The following SMARCA4 variants were observed in gnomAD, a reference collection of about 807,000 sequenced individuals.
SMARCA4 encodes SWI/SNF related BAF chromatin remodeling complex subunit ATPase 4, also known as SWI/SNF-related matrix-associated actin-dependent regulator of chromatin subfamily A member 4.
Under a neutral mutation model 193.9 loss-of-function variants are expected in SMARCA4, and 31 were observed. The ratio of observed to expected loss-of-function variants is 0.16; its 90% CI spans 0.12 to 0.22. The LOEUF (loss-of-function observed/expected upper bound fraction) is 0.22, where lower values mean the gene tolerates loss of function less well. SMARCA4 is among the 10% of genes least tolerant of loss of function. The pLI, the probability that SMARCA4 is intolerant of heterozygous loss-of-function variation, is 1.00. For synonymous variants in SMARCA4, 942 were observed against 933.1 expected, an observed-to-expected ratio of 1.01 and a Z score of -0.17; for missense variants, 1,148 against 2,296.0, an observed-to-expected ratio of 0.50 and a Z score of 10.22.
chr19:10,986,027 G>A lies in SMARCA4; in HGVS notation c.356-162G>A, dbSNP rs1022055972. 6.6e-6 allele frequency among the ~76,000 whole-genome samples: 1 copy of A among 152,232 alleles called. No individual in the cohort carries two copies. The highest frequency in any genetic ancestry group is 1.5e-5 in the Non-Finnish European group (1 of 68,028). Reference sequence around the variant, plus strand: ...CCACCAGGTCGGCTGCTGGGCTGAGGTGCCTTCAGCATGTGCCCTCCAGGT... The same window carrying A: ...CCACCAGGTCGGCTGCTGGGCTGAGATGCCTTCAGCATGTGCCCTCCAGGT... On this transcript the variant is annotated intron_variant, in intron 3 of 34. Transcript: ENST00000344626. This position sits in a 1 kb window ranked among gnomAD's most constrained non-coding sequence, Gnocchi z 6.7.
chr19:10,982,982 C>A (rs2085686037), intron 1 of SMARCA4, among the ~76,000 whole-genome samples: 1 of 152,108 alleles, frequency 6.6e-6, no homozygotes, highest in South Asian at 2.1e-4. Flanking sequence ...TCAAAAAACC[C>A]AGGGTGTCAG....
chr19:10,964,571 G>A (rs953615467), intron 1 of SMARCA4, among the ~76,000 whole-genome samples: 2 of 151,388 alleles, frequency 1.3e-5, no homozygotes, highest in African/African-American at 4.9e-5. Context: ...TTGGCCCTTG[G>A]CCTCCCAAAG....
chr19:11,046,719 T>C (rs2075943925), intron 30 of SMARCA4, among the ~76,000 whole-genome samples: 1 of 152,100 alleles, frequency 6.6e-6, no homozygotes. Flanking sequence ...TTTGTAAGGC[T>C]GTGAGGCTTG....
At chr19:11,001,428 C>T (rs2087622871) in intron 11 of SMARCA4, among the ~76,000 whole-genome samples, 1 of 152,128 alleles carries the variant, frequency 6.6e-6, no homozygotes, top group African/African-American at 2.4e-5. Flanking sequence ...CTGTGAATAA[C>T]CATGGTACTG....
At chr19:11,046,969 CAAAAG>C (rs2075967421) in intron 30 of SMARCA4, among the ~76,000 whole-genome samples, 1 of 125,564 alleles carries the variant, frequency 8.0e-6, no homozygotes, top group Non-Finnish European at 1.7e-5. Flanking sequence ...AAAAAAAAAG[CAAAAG>C]AAAAGCTGCC....
chr19:11,016,246 CAGGCCGTTCACGAGGGTTCACG>C (rs981963504), intron 16 of SMARCA4, among the ~76,000 whole-genome samples: 21 of 152,218 alleles, frequency 1.4e-4, no homozygotes, highest in Middle Eastern at 3.4e-3. Flanking sequence ...CAGTACAGTA[CAGGCCGTTCACGAGGGTTCACG>C]AGGCCGTTCA....
At chr19:11,009,745 G>A (rs549786195) in intron 14 of SMARCA4, among the ~76,000 whole-genome samples, 67 of 147,794 alleles carry the variant, frequency 4.5e-4, no homozygotes, top group Middle Eastern at 6.9e-3. Flanking sequence ...CTAGAGTGCA[G>A]TGGCACGATC....
At chr19:10,994,258 G>T (rs1268588590) in intron 8 of SMARCA4, among the ~76,000 whole-genome samples, 1 of 150,126 alleles carries the variant, frequency 6.7e-6, no homozygotes, top group Non-Finnish European at 1.5e-5. Flanking sequence ...GGCTGGGCTG[G>T]TCTCGAACTC....
In SMARCA4 at chr19:11,034,303, A is replaced by G. The variant is rs1183560520; in HGVS notation, c.3951+103A>G. 4 of 898,728 alleles carry G rather than the reference A, an allele frequency of 4.5e-6. No individual in the cohort carries two copies. The highest frequency in any genetic ancestry group is 1.6e-5 in the African/African-American group (1 of 60,896). The allele number at this position is 898,728 out of a possible 1,614,324, so 55.7% of individuals were successfully genotyped here. A position where few individuals can be genotyped will look rare whatever the true frequency, so the allele number is the denominator to read the frequency against. ...CCCATGGTGGTATCCCTAGCAGGTCAGGGAGCCAGGGACAGCTCACAGTGC... is the reference window on the plus strand; with the variant it reads ...CCCATGGTGGTATCCCTAGCAGGTCGGGGAGCCAGGGACAGCTCACAGTGC... On this transcript the variant is annotated intron_variant, in intron 28 of 34. Coordinates refer to ENST00000344626, the MANE Select transcript of SMARCA4 (RefSeq NM_003072.5). The surrounding 1 kb of genome is among the most constrained non-coding windows in gnomAD (Gnocchi z 7.0).
At chr19:10,998,345 G>A (rs191264038) in intron 11 of SMARCA4, among the ~76,000 whole-genome samples, 92 of 152,222 alleles carry the variant, frequency 6.0e-4, no homozygotes, top group African/African-American at 2.1e-3. Flanking sequence ...TAGCAAATAA[G>A]GTCACTGGTG....
At chr19:10,991,417 A>G in intron 8 of SMARCA4, 94 bp downstream of exon 8, 2 of 1,533,644 alleles carry the variant, frequency 1.3e-6, no homozygotes, top group South Asian at 1.2e-5. Context: ...CTTTGTTCCT[A>G]AACATGCTGC....
intron 30 of SMARCA4, among the ~76,000 whole-genome samples, chr19:11,044,861 T>C (rs1444780304): frequency 6.6e-6 from 1 of 152,224 alleles, no homozygotes; most frequent in African/African-American, 2.4e-5. Flanking sequence ...CCATAGCCAC[T>C]TTGGTCATAA....
chr19:10,997,110 C>T (rs556604650), intron 11 of SMARCA4, among the ~76,000 whole-genome samples: 3 of 152,200 alleles, frequency 2.0e-5, no homozygotes, highest in Middle Eastern at 3.4e-3. Flanking sequence ...GCCTCCGCCC[C>T]GCGAGTTCAA....
At chr19:11,006,050 C>G (rs1183458158) in intron 13 of SMARCA4, among the ~76,000 whole-genome samples, 1 of 152,192 alleles carries the variant, frequency 6.6e-6, no homozygotes, top group Non-Finnish European at 1.5e-5. Flanking sequence ...TCCAAGTGAT[C>G]TGTAAAATCA....
intron 24 of SMARCA4, 82 bp downstream of exon 24, chr19:11,028,032 T>C: frequency 6.8e-7 from 1 of 1,467,672 alleles, no homozygotes; most frequent in Non-Finnish European, 9.5e-7. Context: ...CATTCCCTCC[T>C]GTGAGGCAGG....
intron 1 of SMARCA4, among the ~76,000 whole-genome samples, chr19:10,967,193 G>C (rs1310449136): frequency 6.6e-6 from 1 of 152,240 alleles, no homozygotes; most frequent in Non-Finnish European, 1.5e-5. Context: ...AAAGGGCCTG[G>C]ATGGAAGTGC....
chr19:11,061,321 G>C, intron 34 of SMARCA4, among the ~76,000 whole-genome samples: 1 of 149,914 alleles, frequency 6.7e-6, no homozygotes, highest in South Asian at 2.1e-4. Flanking sequence ...GGGCCAGGCA[G>C]GTGACATGGG....
At chr19:10,992,729 C>T (rs996577261) in intron 8 of SMARCA4, among the ~76,000 whole-genome samples, 2 of 151,932 alleles carry the variant, frequency 1.3e-5, no homozygotes, top group African/African-American at 4.8e-5. Flanking sequence ...GCTGGGACTA[C>T]AGGCACCTGC....
chr19:11,051,023 T>C (rs951111151), intron 30 of SMARCA4, among the ~76,000 whole-genome samples: 2 of 152,194 alleles, frequency 1.3e-5, no homozygotes, highest in Non-Finnish European at 2.9e-5. Context: ...GGGCACTGGG[T>C]CCAACATAAC....
Sources: gnomAD v4.1 joint callset for allele counts (sites outside exome capture counted in the v4.1 genomes callset) on GRCh38, gnomAD v4.1.1 for gene constraint, Gnocchi (gnomAD v3.1) non-coding constraint, MANE v1.5 for transcripts, NCBI Gene and HGNC (gene_info 2026-07-23, HGNC 2026-07-21) for gene names.